Variants in PRMT8 observed in about 807,000 individuals in gnomAD.
PRMT8 encodes the protein protein arginine N-methyltransferase 8.
A neutral mutation model predicts 47.1 loss-of-function variants in PRMT8; 7 were observed. The observed-to-expected ratio is 0.15, with a 90% CI of 0.08 to 0.28. The LOEUF (loss-of-function observed/expected upper bound fraction) is 0.28, where lower values mean the gene tolerates loss of function less well. PRMT8 is among the 10% of genes least tolerant of loss of function. The pLI, the probability that PRMT8 is intolerant of heterozygous loss-of-function variation, is 1.00. For missense variants in PRMT8, 237 were observed against 505.4 expected (o/e 0.47, Z 5.09); for synonymous variants, 188 against 186.5 (o/e 1.01, Z -0.07).
At chr12:3,390,165 G>A (rs570037658) in intron 1 of PRMT8, among the ~76,000 whole-genome samples, 1 of 152,384 alleles carries the variant, frequency 6.6e-6, no homozygotes, top group Non-Finnish European at 1.5e-5. Context: ...GAGGCCCTGT[G>A]ATCTTCCCAC....
intron 1 of PRMT8, among the ~76,000 whole-genome samples, chr12:3,476,094 T>C (rs1434601684): frequency 2.0e-5 from 3 of 152,148 alleles, no homozygotes; most frequent in African/African-American, 7.2e-5. Context: ...AAAAATGACT[T>C]CATTTTCCCT....
chr12:3,521,478 G>A lies in PRMT8; in HGVS notation c.76-19128G>A, dbSNP rs1865880450. ...AATCCCAGCTACTCAGGAGGCTGAG[G>A]CAGGAGAATCACTTGAACCCGGAAG... On this transcript the variant is annotated intron_variant, in intron 1 of 9. Transcript: ENST00000382622. Among the ~76,000 whole-genome samples the A allele has an allele frequency of 2.0e-5, 3 of 152,188 alleles. No individual in the cohort carries two copies. The South Asian group carries it at 6.2e-4, about 32-fold the overall frequency.
At position 3,569,264 on chromosome 12, in the gene PRMT8, T is replaced by C. The variant is rs1320736398; in HGVS notation, c.625-213T>C. On this transcript the variant is annotated intron_variant, in intron 5 of 9. Transcript: ENST00000382622. The surrounding 1 kb of genome is among the most constrained non-coding windows in gnomAD (Gnocchi z 8.2). ...CCTTCACCTCACCTCATTTGTCCTA[T>C]TGACTCCACCTAGGTCCCTTAAATT... Among the ~76,000 whole-genome samples, 1 of 152,180 alleles carries C rather than the reference T, an allele frequency of 6.6e-6. No individual in the cohort carries two copies.
At chr12:3,403,449 C>A (rs1366433953) in intron 1 of PRMT8, among the ~76,000 whole-genome samples, 1 of 149,258 alleles carries the variant, frequency 6.7e-6, no homozygotes, top group Admixed American at 6.7e-5. Flanking sequence ...GCACATCCTG[C>A]ACATGTACCC....
intron 2 of PRMT8, among the ~76,000 whole-genome samples, chr12:3,544,090 A>G (rs1219260351): frequency 4.6e-5 from 7 of 152,186 alleles, no homozygotes; most frequent in African/African-American, 1.4e-4. Context: ...TAGTCCAACA[A>G]TTTGTCAATG....
intron 1 of PRMT8, among the ~76,000 whole-genome samples, chr12:3,505,474 A>G (rs533198228): frequency 8.5e-5 from 13 of 152,090 alleles, no homozygotes; most frequent in Non-Finnish European, 1.3e-4. Flanking sequence ...GGTCTTTATC[A>G]TGGCTTTTTC....
chr12:3,457,358 G>A (rs1197563851), intron 1 of PRMT8, among the ~76,000 whole-genome samples: 1 of 152,152 alleles, frequency 6.6e-6, no homozygotes, highest in Non-Finnish European at 1.5e-5. Context: ...CACCCAGACT[G>A]GACTGCAGTA....
chr12:3,534,675 A>G (rs907354078), intron 1 of PRMT8, among the ~76,000 whole-genome samples: 4 of 152,038 alleles, frequency 2.6e-5, no homozygotes, highest in African/African-American at 9.7e-5. Context: ...TCCTCTGTCT[A>G]GTTATTGCCT....
At chr12:3,556,346 A>G (rs1324485358) in intron 4 of PRMT8, among the ~76,000 whole-genome samples, 1 of 151,908 alleles carries the variant, frequency 6.6e-6, no homozygotes, top group Non-Finnish European at 1.5e-5. Context: ...AGCAGGGGAG[A>G]AGGGCAGCAA....
At chr12:3,398,002 A>C (rs570034179) in intron 1 of PRMT8, among the ~76,000 whole-genome samples, 4 of 152,204 alleles carry the variant, frequency 2.6e-5, no homozygotes, top group South Asian at 4.1e-4. Flanking sequence ...CCCTTTGACT[A>C]GGAAAGGGAA....
At chr12:3,454,978 A>G (rs1303465223) in intron 1 of PRMT8, among the ~76,000 whole-genome samples, 1 of 152,176 alleles carries the variant, frequency 6.6e-6, no homozygotes, top group African/African-American at 2.4e-5. Context: ...CAGTTTCTAC[A>G]TTCTGGTGAA....
intron 1 of PRMT8, among the ~76,000 whole-genome samples, chr12:3,498,392 G>A (rs150034039): frequency 4.9e-4 from 74 of 152,310 alleles, no homozygotes; most frequent in Non-Finnish European, 8.4e-4. Flanking sequence ...AATGTGGAAT[G>A]GTGAATTTGG....
intron 4 of PRMT8, among the ~76,000 whole-genome samples, chr12:3,561,079 A>G (rs1866628481): frequency 6.6e-6 from 1 of 152,206 alleles, no homozygotes; most frequent in Non-Finnish European, 1.5e-5. Context: ...CAGTCCTGGG[A>G]TGATTCTCCT....
intron 1 of PRMT8, among the ~76,000 whole-genome samples, chr12:3,539,980 G>A (rs1008979997): frequency 6.6e-6 from 1 of 152,166 alleles, no homozygotes; most frequent in Non-Finnish European, 1.5e-5. Flanking sequence ...AAGCCCATGG[G>A]TTCACGTTCC....
At chr12:3,585,007 A>C (rs903254802) in intron 8 of PRMT8, among the ~76,000 whole-genome samples, 1 of 152,072 alleles carries the variant, frequency 6.6e-6, no homozygotes, top group African/African-American at 2.4e-5. Flanking sequence ...AAACAACCAC[A>C]CAGGATTCCA....
At chr12:3,490,546 TGG>T (rs368631937), upstream of PRMT8, among the ~76,000 whole-genome samples, 60 of 52,790 alleles carry the variant, frequency 1.1e-3, no homozygotes, top group African/African-American at 3.2e-3. Context: ...AAGACTGGAG[TGG>T]GGGGGGGGGC....
In PRMT8 at chr12:3,493,990, G is replaced by C. The variant is rs1032911506; in HGVS notation, c.75+2290G>C. On this transcript the variant is annotated intron_variant, in intron 1 of 9. Transcript: ENST00000382622. The surrounding 1 kb of genome is among the most constrained non-coding windows in gnomAD (Gnocchi z 8.2). ...CATCCAGGCAGCGTGACAATCACTT[G>C]GTTTCCCTCCAGGAACTGGCTGTTT... Among the ~76,000 whole-genome samples the C allele has an allele frequency of 6.6e-6, 1 of 152,174 alleles. No individual in the cohort carries two copies. The highest frequency in any genetic ancestry group is 2.4e-5 in the African/African-American group (1 of 41,440).
chr12:3,496,288 T>C (rs2137117366), intron 1 of PRMT8, among the ~76,000 whole-genome samples: 1 of 138,962 alleles, frequency 7.2e-6, no homozygotes, highest in South Asian at 2.5e-4. Flanking sequence ...TAATTACAGG[T>C]TGGAAAAAAT....
chr12:3,580,647 C>T lies in PRMT8; in HGVS notation c.829-2411C>T, dbSNP rs574205610. On this transcript the variant is annotated intron_variant, in intron 7 of 9. Transcript: ENST00000382622. This position sits in a 1 kb window ranked among gnomAD's most constrained non-coding sequence, Gnocchi z 4.6. Reference sequence around the variant, plus strand: ...TCTGCCACTGAAGGCTTCAGTGTATCGGCCAGGGCAAGGGCGAAGGTGGTG... The same window carrying T: ...TCTGCCACTGAAGGCTTCAGTGTATTGGCCAGGGCAAGGGCGAAGGTGGTG... Among the ~76,000 whole-genome samples the T allele has an allele frequency of 3.9e-5, 6 of 152,198 alleles. No individual in the cohort carries two copies. Among genetic ancestry groups the T allele is most frequent in the South Asian group, 2.1e-4 (1 of 4,816 alleles).
Sources: gnomAD v4.1 joint callset for allele counts (sites outside exome capture counted in the v4.1 genomes callset) on GRCh38, gnomAD v4.1.1 for gene constraint, Gnocchi (gnomAD v3.1) non-coding constraint, MANE v1.5 for transcripts, NCBI Gene and HGNC (gene_info 2026-07-23, HGNC 2026-07-21) for gene names.